CUL3: variants seen among roughly 807,000 people sequenced by gnomAD.
The protein encoded by CUL3 is cullin 3.
In CUL3, 19 loss-of-function variants were observed where a neutral mutation model predicts 89.1. That is an observed-to-expected ratio of 0.21 (90% confidence interval 0.15 to 0.31). The LOEUF (loss-of-function observed/expected upper bound fraction) is 0.31. Among genes scored for constraint, CUL3 ranks in the 10% least tolerant of loss-of-function variants. The pLI is 1.00. For missense variants in CUL3, 469 were observed against 942.3 expected, an observed-to-expected ratio of 0.50 and a Z score of 6.58; for synonymous variants, 351 against 308.4, an observed-to-expected ratio of 1.14 and a Z score of -1.45.
chr2:224,479,778 A>C (rs1242751265), intron 14 of CUL3: 1 of 152,218 alleles, frequency 6.6e-6, no homozygotes, highest in East Asian at 1.9e-4. Context: ...ATTGATATTC[A>C]TTATAGTGCT....
chr2:224,557,628 G>GT, intron 2 of CUL3, 31 bp downstream of exon 2: 1 of 1,451,458 alleles, frequency 6.9e-7, no homozygotes, highest in Non-Finnish European at 9.6e-7. Flanking sequence ...ATTCAATATA[G>GT]TATTAGCAAC....
At chr2:224,531,745 A>T in intron 3 of CUL3, among the ~76,000 whole-genome samples, 1 of 150,884 alleles carries the variant, frequency 6.6e-6, no homozygotes, top group Non-Finnish European at 1.5e-5. Flanking sequence ...GACATTAAAG[A>T]AAAAAAAAAT....
rs970613675 is a variant in CUL3, at chr2:224,529,432, A to G, written c.378+6096T>C. On this transcript the variant is annotated intron_variant, in intron 3 of 15. Transcript: ENST00000264414. ...GGAGATTGAGACCATCCTGGCTAAC[A>G]CGGTGAAACCCCATCTCTACTAAAA... is the stretch of plus-strand genomic sequence containing the variant. 2.7e-5 allele frequency among the ~76,000 whole-genome samples: 4 copies of G among 149,294 alleles called. No homozygotes were observed. In the East Asian group the frequency reaches 7.9e-4, roughly 29 times the overall value.
chr2:224,568,576 T>G (rs1189269591), intron 1 of CUL3, among the ~76,000 whole-genome samples: 1 of 152,230 alleles, frequency 6.6e-6, no homozygotes, highest in East Asian at 1.9e-4. Context: ...TTTTAAATAA[T>G]CAAATCTTTT....
intron 1 of CUL3, among the ~76,000 whole-genome samples, chr2:224,582,511 T>TA (rs1371521807): frequency 6.6e-6 from 1 of 152,228 alleles, no homozygotes; most frequent in Non-Finnish European, 1.5e-5. Flanking sequence ...TAATACTTAT[T>TA]AAACAGTAAT....
chr2:224,577,010 A>C (rs909177131), intron 1 of CUL3, among the ~76,000 whole-genome samples: 1 of 152,202 alleles, frequency 6.6e-6, no homozygotes, highest in African/African-American at 2.4e-5. Context: ...TCAAAACTTA[A>C]GTTCTAGAAG....
At chr2:224,476,989 C>T (rs1049086330) in intron 15 of CUL3, among the ~76,000 whole-genome samples, 1 of 152,168 alleles carries the variant, frequency 6.6e-6, no homozygotes, top group Non-Finnish European at 1.5e-5. Flanking sequence ...TCCACTTTCA[C>T]GAGTCCAATG....
chr2:224,482,838 G>A (rs1021325782), intron 13 of CUL3, among the ~76,000 whole-genome samples: 1 of 152,174 alleles, frequency 6.6e-6, no homozygotes, highest in African/African-American at 2.4e-5. Flanking sequence ...AGTGATATGT[G>A]ATTGAGTAAA....
intron 1 of CUL3, among the ~76,000 whole-genome samples, chr2:224,572,623 A>T: frequency 8.7e-6 from 1 of 115,554 alleles, no homozygotes; most frequent in Non-Finnish European, 1.7e-5. Context: ...CCTGGGTGAG[A>T]GTGAGAGAAA....
intron 2 of CUL3, among the ~76,000 whole-genome samples, chr2:224,552,550 C>T (rs894298719): frequency 4.6e-5 from 7 of 152,294 alleles, no homozygotes; most frequent in African/African-American, 1.7e-4. Context: ...AAAGAGATGT[C>T]CTCTCTGAAG....
intron 2 of CUL3, among the ~76,000 whole-genome samples, chr2:224,539,536 A>G (rs1162889209): frequency 2.0e-5 from 3 of 152,228 alleles, no homozygotes; most frequent in African/African-American, 7.2e-5. Flanking sequence ...TAATTGCCAC[A>G]ACTTGGAAGA....
intron 2 of CUL3, among the ~76,000 whole-genome samples, chr2:224,551,869 C>G (rs949388651): frequency 1.3e-5 from 2 of 152,178 alleles, no homozygotes; most frequent in East Asian, 3.9e-4. Context: ...TTCTTGTGAG[C>G]GCTTATTCTT....
chr2:224,495,843 A>T lies in CUL3; in HGVS notation c.1831T>A (p.Tyr611Asn), dbSNP rs750401779. The T allele has an allele frequency of 3.6e-5, 58 of 1,610,100 alleles. No individual in the cohort carries two copies. The highest frequency in any genetic ancestry group is 4.7e-5 in the Non-Finnish European group (55 of 1,177,252). ...ACCACAATCCATACCTCAAATGTGT[A>T]TTTTTCTCTATTATTAAAGAGCATT... The part of the protein sequence containing the change: ...ILMLFNNREK[Y>N]TFEEIQQETD... Residue 611 changes from tyrosine (Y) to asparagine (N), a missense_variant, in exon 13 of 16, where the codon TAC becomes AAC. Transcript: ENST00000264414.
intron 1 of CUL3, among the ~76,000 whole-genome samples, chr2:224,576,732 A>T (rs1036166760): frequency 6.6e-6 from 1 of 152,046 alleles, no homozygotes; most frequent in Admixed American, 6.6e-5. Flanking sequence ...GAAAGGAAGG[A>T]AAAAAGAAAA....
At chr2:224,519,957 G>A (rs1693202933) in intron 3 of CUL3, among the ~76,000 whole-genome samples, 1 of 151,868 alleles carries the variant, frequency 6.6e-6, no homozygotes, top group African/African-American at 2.4e-5. Flanking sequence ...ATTAAAGACT[G>A]ATTTTAAAAT....
At chr2:224,522,844 T>C (rs565866038) in intron 3 of CUL3, among the ~76,000 whole-genome samples, 29 of 135,900 alleles carry the variant, frequency 2.1e-4, no homozygotes, top group African/African-American at 8.2e-4. Context: ...ACAATCCTTC[T>C]CAGGGGTCTG....
intron 8 of CUL3, 121 bp from the exon 9 acceptor site, chr2:224,503,943 CA>C: frequency 3.1e-5 from 22 of 701,832 alleles, no homozygotes; most frequent in South Asian, 1.3e-4. Flanking sequence ...TGACATACAT[CA>C]AAAAAAGGGA....
intron 3 of CUL3, among the ~76,000 whole-genome samples, chr2:224,527,040 A>G (rs978844332): frequency 9.2e-5 from 14 of 152,200 alleles, no homozygotes; most frequent in Admixed American, 2.0e-4. Context: ...CTAACTATAA[A>G]AAGATGCCGG....
intron 2 of CUL3, among the ~76,000 whole-genome samples, chr2:224,553,433 A>G (rs1039786704): frequency 6.6e-6 from 1 of 152,212 alleles, no homozygotes; most frequent in African/African-American, 2.4e-5. Context: ...TAAATTTAAG[A>G]ATTTAGCATA....
Sources: allele counts gnomAD v4.1 joint callset (sites outside exome capture counted in the v4.1 genomes callset), GRCh38; gene constraint gnomAD v4.1.1; transcripts MANE v1.5; gene names NCBI Gene and HGNC (gene_info 2026-07-23, HGNC 2026-07-21).